GUCY2D: variants seen among roughly 807,000 people sequenced by gnomAD.
The protein encoded by GUCY2D is retinal guanylyl cyclase 1.
Under a neutral mutation model 101.3 loss-of-function variants are expected in GUCY2D, and 70 were observed. The observed-to-expected ratio is 0.69, with a 90% CI of 0.57 to 0.84. The LOEUF (loss-of-function observed/expected upper bound fraction) is 0.84. GUCY2D is among the 40% of genes least tolerant of loss of function. The pLI is 0.00. For synonymous variants in GUCY2D, 688 were observed against 670.7 expected (o/e 1.03, Z -0.40); for missense variants, 1,460 against 1,542.5 (o/e 0.95, Z 0.90).
chr17:8,008,205 AG>A (rs1975782477), intron 7 of GUCY2D, among the ~76,000 whole-genome samples, 173 bp downstream of exon 7: 1 of 152,172 alleles, frequency 6.6e-6, no homozygotes, highest in African/African-American at 2.4e-5. Flanking sequence ...GATCCCTCAA[AG>A]GGAAGCACCT....
Position 8,012,236 on chromosome 17 carries a change from C to T in GUCY2D, c.1842C>T (p.Asn614=). The T allele has an allele frequency of 6.2e-7, 1 of 1,613,932 alleles. No individual in the cohort carries two copies. Residue 614 remains asparagine, a synonymous_variant, in exon 9 of 20, where the codon AAC becomes AAT. Transcript: ENST00000254854. ...AEGPAALWEG[N]LAVVSEHCTR... is the part of the protein sequence containing the mutation. ...GCCCTGCGGCCCTCTGGGAGGGCAACCTGGCTGTGGTCTCAGAGCACTGCA... is the reference window on the plus strand; with the variant it reads ...GCCCTGCGGCCCTCTGGGAGGGCAATCTGGCTGTGGTCTCAGAGCACTGCA...
At position 8,009,479 on chromosome 17, in the gene GUCY2D, T is replaced by C. The variant is rs1404969344; in HGVS notation, c.1669-27T>C. 13 of 1,499,278 alleles carry C rather than the reference T, an allele frequency of 8.7e-6. No individual in the cohort carries two copies. In the Admixed American group the frequency reaches 2.0e-4, roughly 23 times the overall value. 92.9% of individuals were successfully genotyped at this position (1,499,278 alleles called of 1,614,324 possible). ...ATCGTGGGATTTTAAGAGACTGAGTTCCCTACCCCCATCCTCTTTGCTGCA... is the reference window on the plus strand; with the variant it reads ...ATCGTGGGATTTTAAGAGACTGAGTCCCCTACCCCCATCCTCTTTGCTGCA... On this transcript the variant is annotated intron_variant, in intron 7 of 19. Transcript: ENST00000254854.
chr17:8,013,865 C>A lies in GUCY2D; in HGVS notation c.2264-15C>A. On this transcript the variant is annotated splice_polypyrimidine_tract_variant and intron_variant, in intron 11 of 19. Coordinates refer to ENST00000254854, the MANE Select transcript of GUCY2D (RefSeq NM_000180.4). This position sits in a 1 kb window ranked among gnomAD's most constrained non-coding sequence, Gnocchi z 5.0. ...TCTGGGGGCACTCCCCCTCACTGTC[C>A]CCTCATGCCTCCAGAAGTGGTGCAG... 3 of 1,611,998 alleles carry A rather than the reference C, an allele frequency of 1.9e-6. No individual in the cohort carries two copies. The South Asian group carries it at 3.3e-5, about 18-fold the overall frequency.
intron 19 of GUCY2D, among the ~76,000 whole-genome samples, chr17:8,017,762 G>A (rs1018960735): frequency 3.2e-4 from 49 of 151,928 alleles, no homozygotes; most frequent in African/African-American, 1.0e-3. Context: ...ACACAATCTC[G>A]ACTCATTGCA....
In GUCY2D at chr17:8,014,330, G is replaced by T. The variant is rs1975918138; in HGVS notation, c.2413-271G>T. 1.7e-6 allele frequency: 1 copy of T among 601,656 alleles called. No individual in the cohort carries two copies. The highest frequency in any genetic ancestry group is 3.0e-6 in the Non-Finnish European group (1 of 337,774). The allele number at this position is 601,656 out of a possible 1,614,324, so 37.3% of individuals were successfully genotyped here. ...TGTGACAGAAAGACCCTTGGCCTGG[G>T]AGCCCAACGATTGGGCTGGCTCCAG... On this transcript the variant is annotated intron_variant, in intron 12 of 19. Transcript: ENST00000254854. This position sits in a 1 kb window ranked among gnomAD's most constrained non-coding sequence, Gnocchi z 4.0.
chr17:8,016,109 C>CA (rs1567962398), intron 17 of GUCY2D, 88 bp downstream of exon 17: 1 of 1,349,528 alleles, frequency 7.4e-7, no homozygotes, highest in East Asian at 2.5e-5. Context: ...CCTCAGCTCA[C>CA]CCTTCTGACC....
Position 8,006,719 on chromosome 17 carries a change from G to C in GUCY2D, c.1378+5G>C, listed in dbSNP as rs2151800630. On this transcript the variant is annotated splice_donor_5th_base_variant and intron_variant, in intron 4 of 19. Coordinates refer to ENST00000254854, the MANE Select transcript of GUCY2D (RefSeq NM_000180.4). Reference sequence around the variant, plus strand: ...CAAACAACATCTGCGGTGGAGGTGAGGGCGAGCACCCCAGTCCCCACTGAG... The same window carrying C: ...CAAACAACATCTGCGGTGGAGGTGACGGCGAGCACCCCAGTCCCCACTGAG... 2 of 1,593,752 alleles carry C rather than the reference G, an allele frequency of 1.3e-6. No individual in the cohort carries two copies. Among genetic ancestry groups the C allele is most frequent in the Non-Finnish European group, 1.7e-6 (2 of 1,168,564 alleles).
rs764522054 is a variant in GUCY2D, at chr17:8,015,488, T to C, written c.2930T>C (p.Ile977Thr). The change falls in exon 15 of 20, where the codon ATA becomes ACA. Residue 977 changes from isoleucine to threonine, a missense_variant. Physicochemically the swap from Ile to Thr is moderately conservative, Grantham distance 89 (BLOSUM62 -1). Around this residue, in one of 3 missense-constraint regions of GUCY2D, gnomAD observed 215 missense variants for 227.9 expected, o/e 0.94. Transcript: ENST00000254854. ...HMPEVPVRIR[I>T]GLHSGPCVAG... ...CCTGAGGTTCCCGTGCGCATCCGCA[T>C]AGGCCTGCACTCGGGTAACTCCCGG... The C allele has an allele frequency of 3.8e-5, 61 of 1,612,200 alleles. 1 individual carries two copies. In the South Asian group the frequency reaches 6.6e-4, roughly 17 times the overall value.
In GUCY2D at chr17:8,009,559, C is replaced by T. The variant is rs774554121; in HGVS notation, c.1722C>T (p.Arg574=). Residue 574 remains arginine, a synonymous_variant, in exon 8 of 20, where the codon CGC becomes CGT. Transcript: ENST00000254854. The part of the protein sequence containing the change: ...KFPGDQHIAI[R]PATKTAFSKL... ...CAGGGGATCAGCACATAGCTATCCG[C>T]CCAGCAACCAAGACGGCCTTCTCCA... 6.2e-7 allele frequency: 1 copy of T among 1,613,652 alleles called. No individual in the cohort carries two copies. Among genetic ancestry groups the T allele is most frequent in the Non-Finnish European group, 8.5e-7 (1 of 1,179,544 alleles).
rs1335925709 is a variant in GUCY2D, at chr17:8,006,676, C to A, written c.1340C>A (p.Pro447His). 4 of 1,611,370 alleles carry A rather than the reference C, an allele frequency of 2.5e-6. 1 individual carries two copies. The highest frequency in any genetic ancestry group is 3.3e-5 in the Admixed American group (2 of 59,816). ...GGGGGATCAGCACCCGGACCTGACC[C>A]CTCGTGCTGGTTCGATCCAAACAAC... ...PRGGSAPGPD[P>H]SCWFDPNNIC... is the part of the protein sequence containing the mutation. Residue 447 changes from proline (P) to histidine (H), a missense_variant, in exon 4 of 20, where the codon CCC becomes CAC. Pro to His is a moderately conservative substitution (Grantham distance 77, BLOSUM62 -2). Coordinates refer to ENST00000254854, the MANE Select transcript of GUCY2D (RefSeq NM_000180.4).
At chr17:8,019,823 C>T (rs1469736141) in intron 19 of GUCY2D, among the ~76,000 whole-genome samples, 1 of 152,210 alleles carries the variant, frequency 6.6e-6, no homozygotes, top group Non-Finnish European at 1.5e-5. Context: ...CAAGTCCTCC[C>T]CACCCTGTTC....
chr17:8,016,799 G>A, intron 19 of GUCY2D: 1 of 518,786 alleles, frequency 1.9e-6, no homozygotes, highest in South Asian at 2.3e-5. Flanking sequence ...CCCTCCCCTG[G>A]CCCTATCTCA....
In GUCY2D at chr17:8,006,496, T is replaced by A. The variant is rs755223158; in HGVS notation, c.1160T>A (p.Val387Asp). The A allele has an allele frequency of 6.1e-5, 98 of 1,608,458 alleles. 1 individual carries two copies. In the Admixed American group the frequency reaches 1.6e-3, roughly 27 times the overall value. ...AVARHIRDAQVPGFCGDLGGD... is the reference protein window; with the variant it reads ...AVARHIRDAQDPGFCGDLGGD... ...GCCCGCCACATCCGGGATGCGCAGG[T>A]CCCTGGCTTCTGCGGGGACCTAGGA... Residue 387 changes from valine (V) to aspartate (D), a missense_variant, in exon 4 of 20, where the codon GTC becomes GAC. Physicochemically the swap from Val to Asp is radical, Grantham distance 152. This residue lies in a region of GUCY2D where 1,196 missense variants were observed against 1,229.6 expected (regional missense o/e 0.97). Transcript: ENST00000254854.
At chr17:8,006,300 A>G (rs1975735488) in intron 3 of GUCY2D, 63 bp from the exon 4 acceptor site, 2 of 1,293,260 alleles carry the variant, frequency 1.5e-6, no homozygotes, top group African/African-American at 1.4e-5. Context: ...ACAGGCAGTG[A>G]AAGAATCTGG....
At position 8,006,603 on chromosome 17, in the gene GUCY2D, G is replaced by A. The variant is rs1378193575; in HGVS notation, c.1267G>A (p.Ala423Thr). 1 of 1,613,096 alleles carries A rather than the reference G, an allele frequency of 6.2e-7. No homozygotes were observed. Among genetic ancestry groups the A allele is most frequent in the Non-Finnish European group, 8.5e-7 (1 of 1,179,850 alleles). Residue 423 changes from alanine to threonine, a missense_variant, in exon 4 of 20, where the codon GCC (alanine) becomes ACC (threonine). Around this residue, in one of 3 missense-constraint regions of GUCY2D, gnomAD observed 1,196 missense variants for 1,229.6 expected, o/e 0.97. Transcript: ENST00000254854. ...TTTTGCCACATACATGCTGGATCCT[G>A]CCCGGGGCTCCTTCCTCTCCGCCGG... ...RLFATYMLDP[A>T]RGSFLSAGTR...
rs1250969896 is a variant in GUCY2D, at chr17:8,016,508, C to G, written c.3290C>G (p.Ala1097Gly). 2 of 1,573,352 alleles carry G rather than the reference C, an allele frequency of 1.3e-6. No individual in the cohort carries two copies. The highest frequency in any genetic ancestry group is 4.6e-5 in the East Asian group (2 of 43,148). Residue 1097 changes from alanine (A) to glycine (G), a missense_variant, in exon 19 of 20, where the codon GCG (alanine) becomes GGG (glycine). Ala to Gly is a moderately conservative substitution (Grantham distance 60). Transcript: ENST00000254854. The part of the protein sequence containing the change: ...PPERRRKLEK[A>G]RPGQFS ...GAGCGGCGACGGAAGCTGGAGAAGG[C>G]GCGGCCGGGCCAGTTCTCTTGAGAA...
rs201388569 is a variant in GUCY2D, at chr17:8,014,623, G to A, written c.2435G>A (p.Arg812Gln). ...FDLFKNINKG[R>Q]KTNIIDSMLR... The stretch of plus-strand genomic sequence containing the variant: ...TAGTTCAAGAACATCAACAAGGGCC[G>A]GAAGACGAACATCATTGACTCGATG... The change falls in exon 13 of 20, where the codon CGG becomes CAG. Residue 812 changes from arginine to glutamine, a missense_variant. By Grantham distance (43) the Arg-to-Gln change is conservative. Around this residue, in one of 3 missense-constraint regions of GUCY2D, gnomAD observed 1,196 missense variants for 1,229.6 expected, o/e 0.97. Coordinates refer to ENST00000254854, the MANE Select transcript of GUCY2D (RefSeq NM_000180.4). This position sits in a 1 kb window ranked among gnomAD's most constrained non-coding sequence, Gnocchi z 4.0. The A allele has an allele frequency of 3.2e-5, 51 of 1,614,144 alleles. No individual in the cohort carries two copies. The highest frequency in any genetic ancestry group is 3.8e-5 in the Non-Finnish European group (45 of 1,180,014).
chr17:8,004,891 G>C (rs907443327), intron 3 of GUCY2D, among the ~76,000 whole-genome samples: 11 of 152,152 alleles, frequency 7.2e-5, no homozygotes, highest in African/African-American at 2.7e-4. Flanking sequence ...TCTTCCAAGA[G>C]GATTGGAGGT....
At position 8,003,612 on chromosome 17, in the gene GUCY2D, GC is replaced by G. The variant is rs1555634640; in HGVS notation, c.571del (p.Gln191ArgfsTer25). On this transcript the variant is annotated frameshift_variant, in exon 2 of 20. Transcript: ENST00000254854. LOFTEE classifies it high-confidence loss of function. ...FGWARVALVT[A>X]PQDLWVEAGR... ...CTGGGCGCGCGTGGCCCTGGTCACCGCCCCCCAGGACCTGTGGGTGGAGGCG... is the reference window on the plus strand; with the variant it reads ...CTGGGCGCGCGTGGCCCTGGTCACCGCCCCCAGGACCTGTGGGTGGAGGCG... The G allele has an allele frequency of 1.3e-6, 2 of 1,589,238 alleles. No homozygotes were observed. Among genetic ancestry groups the G allele is most frequent in the Non-Finnish European group, 1.7e-6 (2 of 1,173,922 alleles).
Sources: allele counts gnomAD v4.1 joint callset (sites outside exome capture counted in the v4.1 genomes callset), GRCh38; gene constraint gnomAD v4.1.1; regional missense constraint gnomAD v4.1.1; non-coding constraint Gnocchi (gnomAD v3.1); transcripts MANE v1.5; gene names NCBI Gene and HGNC (gene_info 2026-07-23, HGNC 2026-07-21).